The following SCARB1 variants were observed in gnomAD, a reference collection of about 807,000 sequenced individuals.
The protein encoded by SCARB1 is scavenger receptor class B member 1.
A neutral mutation model predicts 57.2 loss-of-function variants in SCARB1; 30 were observed. The ratio of observed to expected loss-of-function variants is 0.52; its 90% confidence interval spans 0.39 to 0.71. SCARB1 has a LOEUF of 0.71. Among genes scored for constraint, SCARB1 ranks in the 30% least tolerant of loss-of-function variants. The pLI, the probability that SCARB1 is intolerant of heterozygous loss-of-function variation, is 0.00. For missense variants in SCARB1, 543 were observed against 671.2 expected (o/e 0.81, Z 2.11); for synonymous variants, 249 against 268.3 (o/e 0.93, Z 0.70).
intron 7 of SCARB1, among the ~76,000 whole-genome samples, chr12:124,802,880 T>G (rs537087261): frequency 8.1e-4 from 123 of 152,248 alleles, no homozygotes; most frequent in African/African-American, 3.0e-3. Flanking sequence ...GTACCTTTAC[T>G]CTTTAGATAA....
intron 1 of SCARB1, among the ~76,000 whole-genome samples, chr12:124,835,224 C>T (rs1288139606): frequency 6.6e-6 from 1 of 151,928 alleles, no homozygotes; most frequent in Non-Finnish European, 1.5e-5. Context: ...TTACAGGGCC[C>T]GTGACCATCG....
Position 124,810,472 on chromosome 12 carries a change from C to G in SCARB1, c.727-183G>C, listed in dbSNP as rs1594263872. 6.6e-6 allele frequency among the ~76,000 whole-genome samples: 1 copy of G among 152,196 alleles called. No homozygotes were observed. Among genetic ancestry groups the G allele is most frequent in the East Asian group, 1.9e-4 (1 of 5,192 alleles). Reference sequence around the variant, plus strand: ...AGAGAATGCCTACCACAGCTTCCCCCTCCCAGACCCCTGAATGTGTAACTT... The same window carrying G: ...AGAGAATGCCTACCACAGCTTCCCCGTCCCAGACCCCTGAATGTGTAACTT... On this transcript the variant is annotated intron_variant, in intron 5 of 12. Coordinates refer to ENST00000261693, the MANE Select transcript of SCARB1 (RefSeq NM_005505.5). This position sits in a 1 kb window ranked among gnomAD's most constrained non-coding sequence, Gnocchi z 4.0.
At chr12:124,830,697 G>T (rs936444027) in intron 1 of SCARB1, among the ~76,000 whole-genome samples, 6 of 152,040 alleles carry the variant, frequency 3.9e-5, no homozygotes, top group South Asian at 2.1e-4. Flanking sequence ...TTGGTATAGG[G>T]GGTCATTACA....
At chr12:124,852,552 C>T (rs1466623416) in intron 1 of SCARB1, among the ~76,000 whole-genome samples, 1 of 152,244 alleles carries the variant, frequency 6.6e-6, no homozygotes, top group Admixed American at 6.5e-5. Context: ...GGAGGACCCC[C>T]ACTGGGGCCT....
In SCARB1 at chr12:124,817,213, C is replaced by T. The variant is rs1950770108; in HGVS notation, c.284+337G>A. Among the ~76,000 whole-genome samples, 1 of 151,776 alleles carries T rather than the reference C, an allele frequency of 6.6e-6. No homozygotes were observed. Among genetic ancestry groups the T allele is most frequent in the Non-Finnish European group, 1.5e-5 (1 of 67,944 alleles). ...ACCCAGACGCACACCATTGGTCCCT[C>T]CCTGCTCCATAAAGAACCTCTCTAG... On this transcript the variant is annotated intron_variant, in intron 2 of 12. Transcript: ENST00000261693. This position sits in a 1 kb window ranked among gnomAD's most constrained non-coding sequence, Gnocchi z 4.8.
intron 7 of SCARB1, among the ~76,000 whole-genome samples, chr12:124,805,410 G>C (rs1040791230): frequency 2.0e-4 from 30 of 152,236 alleles, no homozygotes; most frequent in African/African-American, 7.2e-4. Flanking sequence ...CAGGGGACGT[G>C]TAGGGAGAAA....
In SCARB1 at chr12:124,807,702, C is replaced by T; in HGVS notation, c.1009+59G>A. 1 of 1,559,344 alleles carries T rather than the reference C, an allele frequency of 6.4e-7. No individual in the cohort carries two copies. ...AGCAGACAGCACTGGGCAGATAAAC[C>T]CTCAGCTGGCCCCACCCTCACACCC... On this transcript the variant is annotated intron_variant, in intron 7 of 12. Transcript: ENST00000261693. This position sits in a 1 kb window ranked among gnomAD's most constrained non-coding sequence, Gnocchi z 5.3.
rs184715678 is a variant in SCARB1, at chr12:124,777,970, G to T, written c.*617C>A. The T allele has an allele frequency of 3.2e-3, 494 of 153,360 alleles. 7 individuals carry two copies. The highest frequency in any genetic ancestry group is 0.028 in the Admixed American group (423 of 15,322). The allele number at this position is 153,360 out of a possible 1,614,324, so 9.5% of individuals were successfully genotyped here. ...TCGGGGGGATCAAAGTCCGGCCGGG[G>T]TGGGCGGAGACCCTCGGGCAGCTGC... On this transcript the variant is annotated 3_prime_UTR_variant, in exon 13 of 13. Transcript: ENST00000261693.
chr12:124,812,889 CAT>C lies in SCARB1; in HGVS notation c.631-926_631-925del, dbSNP rs573364462. Among the ~76,000 whole-genome samples the C allele has an allele frequency of 1.2e-4, 19 of 152,274 alleles. No individual in the cohort carries two copies. The South Asian group carries it at 1.9e-3, about 15-fold the overall frequency. On this transcript the variant is annotated intron_variant, in intron 4 of 12. Coordinates refer to ENST00000261693, the MANE Select transcript of SCARB1 (RefSeq NM_005505.5). The surrounding 1 kb of genome is among the most constrained non-coding windows in gnomAD (Gnocchi z 4.3). ...TACAAAGGGGAGCATTAAAGGGACT[CAT>C]GTGCAAAAACGGCCAGGTACAGTGC...
intron 9 of SCARB1, among the ~76,000 whole-genome samples, chr12:124,791,595 C>T (rs1949730521): frequency 6.6e-6 from 1 of 152,194 alleles, no homozygotes; most frequent in Non-Finnish European, 1.5e-5. Context: ...TTGCCATGCA[C>T]AGCAGTAGGG....
In SCARB1 at chr12:124,812,206, G is replaced by A. The variant is rs1219152741; in HGVS notation, c.631-241C>T. 2.0e-5 allele frequency among the ~76,000 whole-genome samples: 3 copies of A among 152,148 alleles called. No homozygotes were observed. Among genetic ancestry groups the A allele is most frequent in the Admixed American group, 2.0e-4 (3 of 15,262 alleles). ...ACCCTCCCTTCCTAACTCCAGGAGA[G>A]TCTGGCTTTCCTCCCAGGTAAATGG... On this transcript the variant is annotated intron_variant, in intron 4 of 12. Transcript: ENST00000261693. The surrounding 1 kb of genome is among the most constrained non-coding windows in gnomAD (Gnocchi z 4.3).
chr12:124,854,878 G>A (rs1396566025), intron 1 of SCARB1, among the ~76,000 whole-genome samples: 3 of 152,124 alleles, frequency 2.0e-5, no homozygotes, highest in African/African-American at 7.2e-5. Flanking sequence ...GGACACTCGG[G>A]GGTGGGGTTC....
chr12:124,782,963 T>A, intron 11 of SCARB1, 152 bp from the exon 12 acceptor site: 1 of 727,062 alleles, frequency 1.4e-6, no homozygotes, highest in South Asian at 1.6e-5. Context: ...GTGGCTGAGA[T>A]GTGGGGAGCT....
At chr12:124,788,358 TC>T (rs968607854) in intron 9 of SCARB1, among the ~76,000 whole-genome samples, 6 of 152,224 alleles carry the variant, frequency 3.9e-5, no homozygotes, top group African/African-American at 1.4e-4. Flanking sequence ...AGACTCCACT[TC>T]AGCCTCTCTT....
At chr12:124,840,837 G>T (rs12829784) in intron 1 of SCARB1, among the ~76,000 whole-genome samples, 1 of 151,960 alleles carries the variant, frequency 6.6e-6, no homozygotes, top group African/African-American at 2.4e-5. Flanking sequence ...CCTGGCCCCC[G>T]ACACTCCCTT....
At chr12:124,856,961 C>T (rs890244878) in intron 1 of SCARB1, among the ~76,000 whole-genome samples, 3 of 152,284 alleles carry the variant, frequency 2.0e-5, no homozygotes, top group Admixed American at 1.3e-4. Context: ...CAAAGTTTGG[C>T]GGGGTGATGA....
chr12:124,777,703 T>C lies in SCARB1; in HGVS notation c.*884A>G, dbSNP rs1208509179. 1 of 152,124 alleles carries C rather than the reference T, an allele frequency of 6.6e-6. No individual in the cohort carries two copies. The highest frequency in any genetic ancestry group is 1.5e-5 in the Non-Finnish European group (1 of 68,024). The allele number at this position is 152,124 out of a possible 1,614,324, so 9.4% of individuals were successfully genotyped here. ...ATGATAAAACTCATTTCTATTCCAG[T>C]AGAAAAGGGTCACAGGTTTGCCCCA... On this transcript the variant is annotated 3_prime_UTR_variant, in exon 13 of 13. Coordinates refer to ENST00000261693, the MANE Select transcript of SCARB1 (RefSeq NM_005505.5).
rs1229250152 is a variant in SCARB1, at chr12:124,822,265, GA to G, written c.127-4559del. 1.3e-5 allele frequency among the ~76,000 whole-genome samples: 2 copies of G among 152,046 alleles called. No individual in the cohort carries two copies. Among genetic ancestry groups the G allele is most frequent in the African/African-American group, 2.4e-5 (1 of 41,392 alleles). ...ATGATATATCCATATTTGATAGTTG[GA>G]AACAACTCAAATATCCATCAACAGA... is the stretch of plus-strand genomic sequence containing the variant. On this transcript the variant is annotated intron_variant, in intron 1 of 12. Coordinates refer to ENST00000261693, the MANE Select transcript of SCARB1 (RefSeq NM_005505.5). The surrounding 1 kb of genome is among the most constrained non-coding windows in gnomAD (Gnocchi z 5.0).
intron 1 of SCARB1, among the ~76,000 whole-genome samples, chr12:124,842,553 T>C (rs1951946855): frequency 1.3e-5 from 2 of 152,156 alleles, no homozygotes; most frequent in Non-Finnish European, 2.9e-5. Flanking sequence ...GCTGGCAGCT[T>C]CATCACACTT....
Sources: allele counts gnomAD v4.1 joint callset (sites outside exome capture counted in the v4.1 genomes callset), GRCh38; gene constraint gnomAD v4.1.1; non-coding constraint Gnocchi (gnomAD v3.1); transcripts MANE v1.5; gene names NCBI Gene and HGNC (gene_info 2026-07-23, HGNC 2026-07-21).